The following FER1L6 variants were observed in gnomAD, a reference collection of about 807,000 sequenced individuals.
The protein encoded by FER1L6 is fer-1 like family member 6, also known as fer-1-like protein 6.
FER1L6 carries 177 observed loss-of-function variants against 219.2 expected under a neutral mutation model. The ratio of observed to expected loss-of-function variants is 0.81; its 90% CI spans 0.71 to 0.91. The LOEUF (loss-of-function observed/expected upper bound fraction) is 0.91, where lower values mean the gene tolerates loss of function less well. Among genes scored for constraint, FER1L6 ranks in the 40% least tolerant of loss-of-function variants. The probability of loss-of-function intolerance (pLI) is 0.00; values close to 1 mark genes in which losing one functional copy is unlikely to be tolerated. For synonymous variants in FER1L6, 768 were observed against 824.3 expected (o/e 0.93, Z 1.17); for missense variants, 2,153 against 2,259.9 (o/e 0.95, Z 0.96).
chr8:124,042,665 T>C (rs1257912105), intron 20 of FER1L6, among the ~76,000 whole-genome samples: 2 of 152,220 alleles, frequency 1.3e-5, no homozygotes. Context: ...CCTTTATGTA[T>C]TTTTAATGAT....
chr8:123,990,480 T>A (rs537072580), intron 12 of FER1L6, among the ~76,000 whole-genome samples: 1 of 152,352 alleles, frequency 6.6e-6, no homozygotes, highest in South Asian at 2.1e-4. Context: ...TCATTAGTGA[T>A]GTTGAGCATT....
At position 123,869,954 on chromosome 8, in the gene FER1L6, C is replaced by T. The variant is rs1344991688; in HGVS notation, c.-8+17769C>T. Among the ~76,000 whole-genome samples the T allele has an allele frequency of 2.6e-5, 4 of 152,168 alleles. No homozygotes were observed. The East Asian group carries it at 7.7e-4, about 29-fold the overall frequency. ...AAGGCAATTGGATAGAGAAAGAAGA[C>T]TTTTCAACAAACAATACTGAAACAA... On this transcript the variant is annotated intron_variant, in intron 1 of 40. Transcript: ENST00000522917.
intron 15 of FER1L6, among the ~76,000 whole-genome samples, chr8:124,015,607 A>ATATATATATG (rs71289634): frequency 0.1 from 8,995 of 88,084 alleles, 804 homozygotes; most frequent in Non-Finnish European, 0.13. Flanking sequence ...ATATATATAT[A>ATATATATATG]TATATATATT....
intron 1 of FER1L6, among the ~76,000 whole-genome samples, chr8:123,867,229 A>G (rs937746606): frequency 2.6e-5 from 4 of 152,142 alleles, no homozygotes; most frequent in African/African-American, 9.7e-5. Flanking sequence ...TTCATTTTGA[A>G]TTGATCTTTG....
chr8:123,936,472 T>TC (rs1563694355), intron 1 of FER1L6, among the ~76,000 whole-genome samples: 2 of 127,948 alleles, frequency 1.6e-5, no homozygotes, highest in South Asian at 3.0e-4. Flanking sequence ...GTTTTTTTTT[T>TC]TTTTTTTTTT....
chr8:123,896,465 C>T (rs1039781639), intron 1 of FER1L6, among the ~76,000 whole-genome samples: 2 of 152,186 alleles, frequency 1.3e-5, no homozygotes, highest in African/African-American at 4.8e-5. Context: ...ACACTGTTCT[C>T]ATGGACTCTT....
intron 39 of FER1L6, among the ~76,000 whole-genome samples, chr8:124,105,915 C>A (rs1035908961): frequency 6.6e-6 from 1 of 152,140 alleles, no homozygotes; most frequent in Non-Finnish European, 1.5e-5. Context: ...AGACCACATA[C>A]TGGTCTGATT....
At chr8:123,938,255 A>G (rs1814082397) in intron 1 of FER1L6, among the ~76,000 whole-genome samples, 2 of 152,244 alleles carry the variant, frequency 1.3e-5, no homozygotes, top group East Asian at 1.9e-4. Flanking sequence ...TCCTTGGTAC[A>G]TGGGAATGCA....
intron 2 of FER1L6, among the ~76,000 whole-genome samples, chr8:123,958,692 T>C (rs1168926377): frequency 3.0e-5 from 4 of 132,688 alleles, no homozygotes; most frequent in Non-Finnish European, 5.1e-5. Context: ...TTGAGTAAAG[T>C]GCTATTAAAA....
intron 33 of FER1L6, among the ~76,000 whole-genome samples, chr8:124,086,334 G>C (rs1586315446): frequency 6.7e-6 from 1 of 149,894 alleles, no homozygotes; most frequent in East Asian, 2.0e-4. Context: ...TTAATTTCTT[G>C]CTTTTTTATT....
At chr8:123,956,715 G>T (rs760402771) in intron 2 of FER1L6, among the ~76,000 whole-genome samples, 5 of 152,190 alleles carry the variant, frequency 3.3e-5, no homozygotes, top group Non-Finnish European at 5.9e-5. Flanking sequence ...GTGCAATGAG[G>T]CTCTTCTGAG....
chr8:123,857,854 C>A (rs1309220709), intron 1 of FER1L6, among the ~76,000 whole-genome samples: 1 of 152,214 alleles, frequency 6.6e-6, no homozygotes, highest in Non-Finnish European at 1.5e-5. Context: ...AAAGCAGAAA[C>A]TAATTTATAT....
chr8:123,987,198 G>A (rs924431334), intron 12 of FER1L6, among the ~76,000 whole-genome samples: 2 of 152,122 alleles, frequency 1.3e-5, no homozygotes, highest in African/African-American at 4.8e-5. Context: ...CCTGTTATTT[G>A]GAGACAAGCC....
At position 123,936,915 on chromosome 8, in the gene FER1L6, T is replaced by C. The variant is rs559078459; in HGVS notation, c.-7-19077T>C. 3.8e-4 allele frequency among the ~76,000 whole-genome samples: 58 copies of C among 152,312 alleles called. 3 individuals are homozygous for C. The South Asian group carries it at 0.012, about 31-fold the overall frequency. On this transcript the variant is annotated intron_variant, in intron 1 of 40. Coordinates refer to ENST00000522917, the MANE Select transcript of FER1L6 (RefSeq NM_001039112.2). ...GGGTCTTAACTGTTAAAGAACATTT[T>C]TTTTTGTGATGTGGAGTGTCGCATT...
At chr8:123,861,776 CTCTG>C (rs1470467064) in intron 1 of FER1L6, among the ~76,000 whole-genome samples, 31 of 139,324 alleles carry the variant, frequency 2.2e-4, no homozygotes, top group South Asian at 4.5e-4. Flanking sequence ...TGATTTGGCT[CTCTG>C]TCTGTTGTTG....
At chr8:124,055,480 C>T (rs1241722299) in intron 22 of FER1L6, among the ~76,000 whole-genome samples, 4 of 152,298 alleles carry the variant, frequency 2.6e-5, no homozygotes, top group East Asian at 3.9e-4. Flanking sequence ...CCCCTCAGAG[C>T]GATGTCCCCT....
chr8:124,005,831 G>T (rs1817632172), intron 13 of FER1L6, among the ~76,000 whole-genome samples: 1 of 152,230 alleles, frequency 6.6e-6, no homozygotes, highest in South Asian at 2.1e-4. Flanking sequence ...CCTAAAGGAT[G>T]AGAATGTGCT....
intron 1 of FER1L6, among the ~76,000 whole-genome samples, chr8:123,943,599 C>A (rs1324070619): frequency 6.6e-6 from 1 of 152,148 alleles, no homozygotes; most frequent in Non-Finnish European, 1.5e-5. Flanking sequence ...GCTGCCCTTC[C>A]TGCTGGGCCG....
At chr8:124,069,608 G>C in intron 29 of FER1L6, 133 bp downstream of exon 29, 1 of 629,466 alleles carries the variant, frequency 1.6e-6, no homozygotes, top group South Asian at 2.3e-5. Context: ...ATGTAGAGAA[G>C]TAAACTTTGA....
Sources: allele counts gnomAD v4.1 joint callset (sites outside exome capture counted in the v4.1 genomes callset), GRCh38; gene constraint gnomAD v4.1.1; transcripts MANE v1.5; gene names NCBI Gene and HGNC (gene_info 2026-07-23, HGNC 2026-07-21).